The following SMAD5 variants were observed in gnomAD, a reference collection of about 807,000 sequenced individuals.
SMAD5 encodes the protein MAD, mothers against decapentaplegic homolog 5.
SMAD5 carries 9 observed loss-of-function variants against 43.1 expected under a neutral mutation model. The ratio of observed to expected loss-of-function variants is 0.21; its 90% CI spans 0.13 to 0.36. The LOEUF is 0.36. Ranked by LOEUF, SMAD5 falls within the 10% of genes least tolerant of loss-of-function variation. The pLI is 1.00. For synonymous variants in SMAD5, 190 were observed against 192.4 expected, an observed-to-expected ratio of 0.99 and a Z score of 0.10; for missense variants, 348 against 574.0, an observed-to-expected ratio of 0.61 and a Z score of 4.02.
chr5:136,153,957 T>C lies in SMAD5; in HGVS notation c.197T>C (p.Val66Ala). Residue 66 changes from valine (V) to alanine (A), a missense_variant, in exon 3 of 8, where the codon GTC becomes GCC. Coordinates refer to ENST00000545279, the MANE Select transcript of SMAD5 (RefSeq NM_005903.7). ...AGTCCAGGACAGCCGAGTAAATGTG[T>C]CACTATTCCCAGATCTTTAGATGGA... ...LSSPGQPSKC[V>A]TIPRSLDGRL... 1.9e-6 allele frequency: 3 copies of C among 1,612,122 alleles called. No homozygotes were observed. Among genetic ancestry groups the C allele is most frequent in the Non-Finnish European group, 2.5e-6 (3 of 1,179,328 alleles).
intron 1 of SMAD5, among the ~76,000 whole-genome samples, chr5:136,135,770 G>A (rs957003981): frequency 6.6e-6 from 1 of 152,176 alleles, no homozygotes; most frequent in Admixed American, 6.5e-5. Flanking sequence ...ACTTGAGTAC[G>A]CTTGAGGATA....
chr5:136,167,170 ATT>A lies in SMAD5; in HGVS notation c.775+3789_775+3790del, dbSNP rs34121485. ...AATTGCCTTTTTAGTTTCGCCTAGCATTTTTTTTTTTCTATAACCTTCTGCTC... is the reference window on the plus strand; with the variant it reads ...AATTGCCTTTTTAGTTTCGCCTAGCATTTTTTTTTCTATAACCTTCTGCTC... On this transcript the variant is annotated intron_variant, in intron 5 of 7. Coordinates refer to ENST00000545279, the MANE Select transcript of SMAD5 (RefSeq NM_005903.7). Among the ~76,000 whole-genome samples the A allele has an allele frequency of 2.5e-4, 37 of 148,390 alleles. 1 individual carries two copies. In the Middle Eastern group the frequency reaches 0.017, roughly 70 times the overall value.
chr5:136,162,904 A>G (rs1419988214), intron 4 of SMAD5, among the ~76,000 whole-genome samples: 1 of 152,256 alleles, frequency 6.6e-6, no homozygotes, highest in Non-Finnish European at 1.5e-5. Flanking sequence ...TGTAGTAGAT[A>G]TATACCCAAA....
chr5:136,165,194 A>C (rs1260621387), intron 5 of SMAD5, among the ~76,000 whole-genome samples: 5 of 151,828 alleles, frequency 3.3e-5, no homozygotes, highest in Non-Finnish European at 2.9e-5. Flanking sequence ...TCATGTCCAG[A>C]CTGGAGTGCA....
intron 2 of SMAD5, among the ~76,000 whole-genome samples, chr5:136,150,668 A>AG (rs1234196660): frequency 1.3e-5 from 2 of 151,984 alleles, no homozygotes; most frequent in South Asian, 2.1e-4. Context: ...GCAGAGGGGC[A>AG]GGGATTTGGA....
At chr5:136,146,383 T>C (rs139663483) in intron 1 of SMAD5, among the ~76,000 whole-genome samples, 80 of 151,772 alleles carry the variant, frequency 5.3e-4, no homozygotes, top group Admixed American at 2.4e-3. Flanking sequence ...TATTATGGGG[T>C]GTTAGATACA....
chr5:136,147,954 G>C (rs1390205608), intron 2 of SMAD5, 48 bp downstream of exon 2: 1 of 151,692 alleles, frequency 6.6e-6, no homozygotes, highest in Non-Finnish European at 1.5e-5. Context: ...TCTTTAGTCA[G>C]TAATAATGCA....
At chr5:136,134,390 T>C (rs1409417541) in intron 1 of SMAD5, 1 of 152,204 alleles carries the variant, frequency 6.6e-6, no homozygotes, top group Non-Finnish European at 1.5e-5. Flanking sequence ...GACAAAAGAT[T>C]GAAAACCTTA....
chr5:136,153,775 C>T lies in SMAD5; in HGVS notation c.15C>T (p.Ala5=), dbSNP rs1436803542. 7 of 1,609,524 alleles carry T rather than the reference C, an allele frequency of 4.3e-6. No homozygotes were observed. The East Asian group carries it at 1.3e-4, about 31-fold the overall frequency. Residue 5 remains alanine, a synonymous_variant, in exon 3 of 8, where the codon GCC becomes GCT. Coordinates refer to ENST00000545279, the MANE Select transcript of SMAD5 (RefSeq NM_005903.7). MTSM[A]SLFSFTSPAV... Reference sequence around the variant, plus strand: ...ATTTGTGTCAAATGACGTCAATGGCCAGCTTGTTTTCTTTTACTAGTCCAG... The same window carrying T: ...ATTTGTGTCAAATGACGTCAATGGCTAGCTTGTTTTCTTTTACTAGTCCAG...
chr5:136,171,711 T>C (rs1475690511), intron 5 of SMAD5, among the ~76,000 whole-genome samples: 2 of 152,236 alleles, frequency 1.3e-5, no homozygotes, highest in Non-Finnish European at 1.5e-5. Flanking sequence ...GTAGATGATA[T>C]TTGGATGATA....
chr5:136,156,024 C>T (rs1300900802), intron 3 of SMAD5, among the ~76,000 whole-genome samples: 3 of 152,200 alleles, frequency 2.0e-5, no homozygotes, highest in South Asian at 2.1e-4. Flanking sequence ...GTGAGGAGTC[C>T]AGTCACATTT....
At chr5:136,151,657 C>T (rs1250127628) in intron 2 of SMAD5, among the ~76,000 whole-genome samples, 1 of 152,006 alleles carries the variant, frequency 6.6e-6, no homozygotes, top group African/African-American at 2.4e-5. Flanking sequence ...TTAACTGTCT[C>T]TCTGTTGCTC....
rs1753556274 is a variant in SMAD5 at position 136,154,120 on chromosome 5, A to C, written c.360A>C (p.Glu120Asp). The C allele has an allele frequency of 6.3e-7, 1 of 1,588,226 alleles. No homozygotes were observed. The highest frequency in any genetic ancestry group is 1.3e-5 in the African/African-American group (1 of 74,394). Residue 120 changes from glutamate to aspartate, a missense_variant, in exon 3 of 8, where the codon GAA (glutamate) becomes GAC (aspartate). Physicochemically the swap from Glu to Asp is conservative, Grantham distance 45 (BLOSUM62 2). Transcript: ENST00000545279. ...TTCCTTTTGGATCTAAGCAAAAAGA[A>C]GTTTGTATCAACCCATACCACTATA... ...CEFPFGSKQK[E>D]VCINPYHYKR...
intron 1 of SMAD5, among the ~76,000 whole-genome samples, chr5:136,142,005 A>G (rs986138223): frequency 1.3e-5 from 2 of 152,204 alleles, no homozygotes; most frequent in Non-Finnish European, 2.9e-5. Context: ...AAAATATAGA[A>G]TTAGATGAAG....
chr5:136,162,388 A>G (rs1450569770), intron 4 of SMAD5, among the ~76,000 whole-genome samples: 4 of 152,226 alleles, frequency 2.6e-5, no homozygotes, highest in South Asian at 2.1e-4. Context: ...TGAACAAAAC[A>G]TTATTCAAGG....
intron 1 of SMAD5, among the ~76,000 whole-genome samples, chr5:136,136,370 G>A (rs532279700): frequency 1.3e-5 from 2 of 152,190 alleles, no homozygotes; most frequent in Non-Finnish European, 1.5e-5. Flanking sequence ...TAGAGACGGT[G>A]TTTCACCATG....
rs1411649738 is a variant in SMAD5 at position 136,178,094 on chromosome 5, AGT to A, written c.*617_*618del. On this transcript the variant is annotated 3_prime_UTR_variant, in exon 8 of 8. Transcript: ENST00000545279. The stretch of plus-strand genomic sequence containing the variant: ...ATAAAATTTACATTTAATACAGATA[AGT>A]GTTCTTCAGTGTAATGTGACTTCAT... 1 of 152,638 alleles carries A rather than the reference AGT, an allele frequency of 6.6e-6. No homozygotes were observed. Among genetic ancestry groups the A allele is most frequent in the African/African-American group, 2.4e-5 (1 of 41,448 alleles). The allele number at this position is 152,638 out of a possible 1,614,324, so 9.5% of individuals were successfully genotyped here. A position where few individuals can be genotyped will look rare whatever the true frequency, so the allele number is the denominator to read the frequency against.
chr5:136,172,221 T>C (rs559710452), intron 5 of SMAD5, among the ~76,000 whole-genome samples: 6 of 152,350 alleles, frequency 3.9e-5, no homozygotes, highest in African/African-American at 1.4e-4. Flanking sequence ...CCGATCCTGG[T>C]ATTTCTATAA....
At chr5:136,165,541 A>G (rs889528257) in intron 5 of SMAD5, among the ~76,000 whole-genome samples, 1 of 151,832 alleles carries the variant, frequency 6.6e-6, no homozygotes. Context: ...TATTGAAACT[A>G]TACCTGTTAA....
Sources: gnomAD v4.1 joint callset for allele counts (sites outside exome capture counted in the v4.1 genomes callset) on GRCh38, gnomAD v4.1.1 for gene constraint, MANE v1.5 for transcripts, NCBI Gene and HGNC (gene_info 2026-07-23, HGNC 2026-07-21) for gene names.